The following PANK4 variants were observed in gnomAD, a reference collection of about 807,000 sequenced individuals.
PANK4 encodes the protein pantothenate kinase 4 (inactive).
Under a neutral mutation model 87.9 loss-of-function variants are expected in PANK4, and 40 were observed. The observed-to-expected ratio is 0.46, with a 90% CI of 0.35 to 0.59. PANK4 has a LOEUF of 0.59. Ranked by LOEUF, PANK4 falls within the 20% of genes least tolerant of loss-of-function variation. The pLI is 0.00. For missense variants in PANK4, 926 were observed against 1,072.3 expected, an observed-to-expected ratio of 0.86 and a Z score of 1.90; for synonymous variants, 524 against 467.4, an observed-to-expected ratio of 1.12 and a Z score of -1.56.
chr1:2,520,000 G>A lies in PANK4; in HGVS notation c.700-46C>T, dbSNP rs1463967162. Reference sequence around the variant, plus strand: ...GCGGGTGAGGCGCCAGGAGCTGCTGGAATCCCCACGACCCCAGAAACCAAG... The same window carrying A: ...GCGGGTGAGGCGCCAGGAGCTGCTGAAATCCCCACGACCCCAGAAACCAAG... On this transcript the variant is annotated intron_variant, in intron 5 of 18. Coordinates refer to ENST00000378466, the MANE Select transcript of PANK4 (RefSeq NM_018216.4). The surrounding 1 kb of genome is among the most constrained non-coding windows in gnomAD (Gnocchi z 8.3). The A allele has an allele frequency of 6.7e-7, 1 of 1,502,426 alleles. No individual in the cohort carries two copies. The highest frequency in any genetic ancestry group is 2.1e-5 in the Admixed American group (1 of 46,856). The allele number at this position is 1,502,426 out of a possible 1,614,324, so 93.1% of individuals were successfully genotyped here.
intron 2 of PANK4, 49 bp downstream of exon 2, chr1:2,521,669 C>A: frequency 7.1e-7 from 1 of 1,416,238 alleles, no homozygotes; most frequent in Non-Finnish European, 1.0e-6. Flanking sequence ...AGGTCCAAGA[C>A]GACAGAGAAG....
chr1:2,514,619 G>A (rs1643730481), intron 10 of PANK4, among the ~76,000 whole-genome samples, 153 bp from the exon 11 acceptor site: 2 of 111,600 alleles, frequency 1.8e-5, no homozygotes, highest in Non-Finnish European at 3.1e-5. Flanking sequence ...CTGGTGCAGG[G>A]TGGGAGCCGG....
At chr1:2,522,430 C>T (rs971469558) in intron 1 of PANK4, among the ~76,000 whole-genome samples, 4 of 152,138 alleles carry the variant, frequency 2.6e-5, no homozygotes, top group Non-Finnish European at 5.9e-5. Flanking sequence ...CTGATGCTCT[C>T]GAGAAGCCCT....
At chr1:2,521,566 G>A (rs1167755800) in intron 2 of PANK4, 152 bp downstream of exon 2, 3 of 770,100 alleles carry the variant, frequency 3.9e-6, no homozygotes, top group Non-Finnish European at 6.9e-6. Flanking sequence ...AAGGGACACG[G>A]CGGAAGGCAG....
Position 2,509,732 on chromosome 1 carries a change from G to A in PANK4, c.2108+130C>T, listed in dbSNP as rs534388056. On this transcript the variant is annotated intron_variant, in intron 18 of 18. Coordinates refer to ENST00000378466, the MANE Select transcript of PANK4 (RefSeq NM_018216.4). This position sits in a 1 kb window ranked among gnomAD's most constrained non-coding sequence, Gnocchi z 4.9. ...ATCTGTCCCCTCCTGAGATCAATCC[G>A]GGCCTGGGGTCAGGAGAGGCCGCAG... 128 of 764,808 alleles carry A rather than the reference G, an allele frequency of 1.7e-4. 1 individual carries two copies. Among genetic ancestry groups the A allele is most frequent in the Non-Finnish European group, 2.6e-4 (115 of 443,908 alleles). 47.4% of individuals were successfully genotyped at this position (764,808 alleles called of 1,614,324 possible).
chr1:2,510,634 G>C lies in PANK4; in HGVS notation c.1938+44C>G, dbSNP rs752514017. On this transcript the variant is annotated intron_variant, in intron 16 of 18. Coordinates refer to ENST00000378466, the MANE Select transcript of PANK4 (RefSeq NM_018216.4). This position sits in a 1 kb window ranked among gnomAD's most constrained non-coding sequence, Gnocchi z 4.9. ...AGCGGCGCCAACCCCACCGAGAGCA[G>C]AGAAGCCCAGGGGAAGGGCCCCACC... 35 of 1,196,432 alleles carry C rather than the reference G, an allele frequency of 2.9e-5. No individual in the cohort carries two copies. Among genetic ancestry groups the C allele is most frequent in the Non-Finnish European group, 2.2e-5 (18 of 806,520 alleles). The allele number at this position is 1,196,432 out of a possible 1,614,324, so 74.1% of individuals were successfully genotyped here.
chr1:2,522,751 G>GGA (rs371214572), intron 1 of PANK4, among the ~76,000 whole-genome samples: 11 of 151,178 alleles, frequency 7.3e-5, no homozygotes, highest in South Asian at 2.1e-4. Context: ...GGAGGGCACC[G>GGA]TGTGTGTTAT....
chr1:2,512,761 C>A, intron 13 of PANK4, 127 bp downstream of exon 13: 2 of 936,586 alleles, frequency 2.1e-6, no homozygotes, highest in Non-Finnish European at 3.4e-6. Context: ...CCCCAAAGCC[C>A]TGAGCCACCA....
At position 2,510,293 on chromosome 1, in the gene PANK4, G is replaced by A. The variant is rs1228401582; in HGVS notation, c.1939-136C>T. The A allele has an allele frequency of 4.4e-6, 3 of 677,036 alleles. No individual in the cohort carries two copies. The highest frequency in any genetic ancestry group is 5.4e-5 in the East Asian group (2 of 36,794). 41.9% of individuals were successfully genotyped at this position (677,036 alleles called of 1,614,324 possible). On this transcript the variant is annotated intron_variant, in intron 16 of 18. Coordinates refer to ENST00000378466, the MANE Select transcript of PANK4 (RefSeq NM_018216.4). The surrounding 1 kb of genome is among the most constrained non-coding windows in gnomAD (Gnocchi z 4.9). ...GGCCTGGCCAGCCACCTGCTGCTGAGGAGCAGGGACCTCGCCTGACCTTGC... is the reference window on the plus strand; with the variant it reads ...GGCCTGGCCAGCCACCTGCTGCTGAAGAGCAGGGACCTCGCCTGACCTTGC...
At chr1:2,523,245 T>C (rs1256457468) in intron 1 of PANK4, among the ~76,000 whole-genome samples, 1 of 152,094 alleles carries the variant, frequency 6.6e-6, no homozygotes, top group Non-Finnish European at 1.5e-5. Flanking sequence ...TCCTGCCTGG[T>C]GGTGAGGGCA....
At chr1:2,526,384 CCGCCGCCCCCGCT>C in intron 1 of PANK4, 67 bp downstream of exon 1, 1 of 862,952 alleles carries the variant, frequency 1.2e-6, no homozygotes, top group Non-Finnish European at 1.4e-6. Context: ...TTCGTCCTTC[CCGCCGCCCCCGCT>C]CGCCGGCCCA....
intron 9 of PANK4, among the ~76,000 whole-genome samples, chr1:2,517,108 C>CT (rs1278673620): frequency 6.6e-6 from 1 of 152,206 alleles, no homozygotes; most frequent in Non-Finnish European, 1.5e-5. Context: ...GAAACTGAGG[C>CT]TGGAAGACAC....
rs1643870542 is a variant in PANK4 at position 2,521,012 on chromosome 1, C to T, written c.422+89G>A. On this transcript the variant is annotated intron_variant, in intron 3 of 18. Transcript: ENST00000378466. ...CAGCCATGCCCCATGCGCAATCTGA[C>T]ACACGAGCGCCAGGGACGCGGCTCT... The T allele has an allele frequency of 4.6e-6, 7 of 1,523,172 alleles. No homozygotes were observed. In the East Asian group the frequency reaches 1.6e-4, roughly 35 times the overall value. 94.4% of individuals were successfully genotyped at this position (1,523,172 alleles called of 1,614,324 possible).
chr1:2,519,462 G>C lies in PANK4; in HGVS notation c.854-138C>G, dbSNP rs1169103087. 2.4e-6 allele frequency: 1 copy of C among 421,960 alleles called. No individual in the cohort carries two copies. Among genetic ancestry groups the C allele is most frequent in the East Asian group, 4.5e-5 (1 of 22,042 alleles). 26.1% of individuals were successfully genotyped at this position (421,960 alleles called of 1,614,324 possible). ...AGCTGAGTGGGAGGGGAGGGGGAGAGAGAGCTGAGTGGGGGAACTGGAGCC... is the reference window on the plus strand; with the variant it reads ...AGCTGAGTGGGAGGGGAGGGGGAGACAGAGCTGAGTGGGGGAACTGGAGCC... On this transcript the variant is annotated intron_variant, in intron 6 of 18. Coordinates refer to ENST00000378466, the MANE Select transcript of PANK4 (RefSeq NM_018216.4). The surrounding 1 kb of genome is among the most constrained non-coding windows in gnomAD (Gnocchi z 8.3).
At chr1:2,511,216 G>A in intron 15 of PANK4, 122 bp downstream of exon 15, 1 of 715,276 alleles carries the variant, frequency 1.4e-6, no homozygotes, top group South Asian at 1.6e-5. Context: ...CTCGCAGGAT[G>A]GTGAGACTCT....
At chr1:2,524,129 G>A (rs552977104) in intron 1 of PANK4, among the ~76,000 whole-genome samples, 32 of 152,322 alleles carry the variant, frequency 2.1e-4, no homozygotes, top group African/African-American at 7.7e-4. Flanking sequence ...CCCACAGCCC[G>A]CAGAAACCTA....
At position 2,511,396 on chromosome 1, in the gene PANK4, G is replaced by A; in HGVS notation, c.1784-9C>T. The A allele has an allele frequency of 1.9e-6, 3 of 1,604,918 alleles. No individual in the cohort carries two copies. The highest frequency in any genetic ancestry group is 1.7e-6 in the Non-Finnish European group (2 of 1,172,528). On this transcript the variant is annotated splice_polypyrimidine_tract_variant and intron_variant, in intron 14 of 18. Transcript: ENST00000378466. ...CACGAGCCAGGGTCTTTCTGAGACA[G>A]AGAGAGGGACACATGATTAGCCCGG...
At chr1:2,514,197 G>T in intron 11 of PANK4, 108 bp from the exon 12 acceptor site, 1 of 1,155,596 alleles carries the variant, frequency 8.7e-7, no homozygotes, top group Non-Finnish European at 1.3e-6. Context: ...CAGTGCAAAC[G>T]CTGCTTGAGG....
chr1:2,515,543 C>T lies in PANK4; in HGVS notation c.1374+19G>A, dbSNP rs368427639. On this transcript the variant is annotated intron_variant, in intron 10 of 18. Transcript: ENST00000378466. The surrounding 1 kb of genome is among the most constrained non-coding windows in gnomAD (Gnocchi z 5.0). ...GGCTGCGGCCTTGGAATCGTCTAGA[C>T]GGCACCCGGAGCCCTCACCCCGTCC... The T allele has an allele frequency of 2.1e-5, 34 of 1,611,032 alleles. No homozygotes were observed. The highest frequency in any genetic ancestry group is 1.2e-4 in the African/African-American group (9 of 74,888).
Sources: allele counts gnomAD v4.1 joint callset (sites outside exome capture counted in the v4.1 genomes callset), GRCh38; gene constraint gnomAD v4.1.1; non-coding constraint Gnocchi (gnomAD v3.1); transcripts MANE v1.5; gene names NCBI Gene and HGNC (gene_info 2026-07-23, HGNC 2026-07-21).